LHX3: variants seen among roughly 807,000 people sequenced by gnomAD.
LHX3 encodes the protein LIM homeobox 3.
In LHX3, 21 loss-of-function variants were observed where a neutral mutation model predicts 32.4. That is an observed-to-expected ratio of 0.65 (90% CI 0.46 to 0.93). LHX3 has a LOEUF of 0.93. Ranked by LOEUF, LHX3 falls within the 40% of genes least tolerant of loss-of-function variation. The pLI, the probability that LHX3 is intolerant of heterozygous loss-of-function variation, is 0.00. For missense variants in LHX3, 626 were observed against 560.0 expected (o/e 1.12, Z -1.19); for synonymous variants, 258 against 246.8 (o/e 1.05, Z -0.43).
chr9:136,198,739 T>C lies in LHX3; in HGVS notation c.688A>G (p.Asn230Asp). 6.2e-7 allele frequency: 1 copy of C among 1,611,688 alleles called. No homozygotes were observed. The highest frequency in any genetic ancestry group is 1.1e-5 in the South Asian group (1 of 91,066). ...GRQRWGQYFR[N>D]MKRSRGGSKS... is the part of the protein sequence containing the mutation. ...GAGCCGCCGCGGGAGCGCTTCATGT[T>C]GCGGAAATACTGCCCCCAGCGCTGC... is the stretch of plus-strand genomic sequence containing the variant. Residue 230 changes from asparagine to aspartate, a missense_variant, in exon 5 of 6, where the codon AAC becomes GAC. Coordinates refer to ENST00000371748, the MANE Select transcript of LHX3 (RefSeq NM_178138.6).
At position 136,198,635 on chromosome 9, in the gene LHX3, G is replaced by A. The variant is rs748078393; in HGVS notation, c.775+17C>T. ...GCGCGCTCGTCCCCCCCCGAGCTCCGCGATCCCTCCGCCTACCGGGGAAGG... is the reference window on the plus strand; with the variant it reads ...GCGCGCTCGTCCCCCCCCGAGCTCCACGATCCCTCCGCCTACCGGGGAAGG... On this transcript the variant is annotated intron_variant, in intron 5 of 5. Transcript: ENST00000371748. 4 of 1,551,108 alleles carry A rather than the reference G, an allele frequency of 2.6e-6. No homozygotes were observed. The highest frequency in any genetic ancestry group is 3.5e-6 in the Non-Finnish European group (4 of 1,151,624).
chr9:136,202,916 C>T (rs1385782615), intron 1 of LHX3: 1 of 1,531,190 alleles, frequency 6.5e-7, no homozygotes, highest in East Asian at 2.4e-5. Context: ...CCTGGTCTCC[C>T]CGGTGCAGCC....
In LHX3 at chr9:136,197,254, C is replaced by T; in HGVS notation, c.*71G>A. On this transcript the variant is annotated 3_prime_UTR_variant, in exon 6 of 6. Coordinates refer to ENST00000371748, the MANE Select transcript of LHX3 (RefSeq NM_178138.6). ...GCCCTGGCCCCACTTCCTCGGAAACCCCAGCAGCCCCGAGCCGCCCACCCA... is the reference window on the plus strand; with the variant it reads ...GCCCTGGCCCCACTTCCTCGGAAACTCCAGCAGCCCCGAGCCGCCCACCCA... The T allele has an allele frequency of 6.5e-7, 1 of 1,545,714 alleles. No homozygotes were observed. Among genetic ancestry groups the T allele is most frequent in the East Asian group, 2.3e-5 (1 of 43,762 alleles).
chr9:136,198,933 G>A lies in LHX3; in HGVS notation c.581C>T (p.Thr194Met). Reference protein sequence around the residue: ...RHVREQLSSETGLDMRVVQVW... With the variant: ...RHVREQLSSEMGLDMRVVQVW... ...CTGCACCACGCGCATGTCCAGGCCCGTCTCGGACGAGAGCTGCTCGCGCAC... is the reference window on the plus strand; with the variant it reads ...CTGCACCACGCGCATGTCCAGGCCCATCTCGGACGAGAGCTGCTCGCGCAC... The change falls in exon 4 of 6, where the codon ACG becomes ATG. Residue 194 changes from threonine to methionine, a missense_variant. Physicochemically the swap from Thr to Met is moderately conservative, Grantham distance 81 (BLOSUM62 -1). Coordinates refer to ENST00000371748, the MANE Select transcript of LHX3 (RefSeq NM_178138.6). 3 of 1,588,622 alleles carry A rather than the reference G, an allele frequency of 1.9e-6. No homozygotes were observed. Among genetic ancestry groups the A allele is most frequent in the Non-Finnish European group, 2.6e-6 (3 of 1,171,862 alleles).
rs746686032 is a variant in LHX3, at chr9:136,200,586, A to G, written c.247T>C (p.Phe83Leu). 6.2e-7 allele frequency: 1 copy of G among 1,613,242 alleles called. No individual in the cohort carries two copies. Among genetic ancestry groups the G allele is most frequent in the East Asian group, 2.2e-5 (1 of 44,894 alleles). Reference sequence around the variant, plus strand: ...AGGTGAGGTTTCGGGGCTCACTTGAAAAAGTCGTCCTTGCAGTAAACGCTC... The same window carrying G: ...AGGTGAGGTTTCGGGGCTCACTTGAGAAAGTCGTCCTTGCAGTAAACGCTC... ...GESVYCKDDF[F>L]KRFGTKCAAC... The change falls in exon 2 of 6, where the codon TTC becomes CTC. Residue 83 changes from phenylalanine (F) to leucine (L), a missense_variant. Physicochemically the swap from Phe to Leu is conservative, Grantham distance 22. Transcript: ENST00000371748.
At chr9:136,203,286 C>T (rs1294682807) in intron 1 of LHX3, 5 of 348,890 alleles carry the variant, frequency 1.4e-5, no homozygotes, top group Non-Finnish European at 2.0e-5. Context: ...GGACTCTGAG[C>T]GCCTTTGCGC....
intron 2 of LHX3, 157 bp downstream of exon 2, chr9:136,200,424 TG>T: frequency 1.3e-6 from 1 of 795,992 alleles, no homozygotes; most frequent in Non-Finnish European, 2.1e-6. Flanking sequence ...ACCCTTAATT[TG>T]GCCAGGCCAC....
chr9:136,202,862 TC>T (rs1831678028), intron 1 of LHX3: 1 of 1,451,178 alleles, frequency 6.9e-7, no homozygotes, highest in African/African-American at 1.4e-5. Context: ...ATCCTCTAGC[TC>T]CTGCCAGCCT....
chr9:136,197,387 A>T lies in LHX3; in HGVS notation c.1132T>A (p.Tyr378Asn). ...SDLSTGSSGG[Y>N]PDFPASPASW... is the part of the protein sequence containing the mutation. Reference sequence around the variant, plus strand: ...GCGGGGCTGGCAGGGAAGTCGGGGTAACCCCCGCTGCTCCCCGTGGATAGG... The same window carrying T: ...GCGGGGCTGGCAGGGAAGTCGGGGTTACCCCCGCTGCTCCCCGTGGATAGG... Residue 378 changes from tyrosine to asparagine, a missense_variant, in exon 6 of 6, where the codon TAC becomes AAC. Tyr to Asn is a moderately radical substitution (Grantham distance 143, BLOSUM62 -2). Coordinates refer to ENST00000371748, the MANE Select transcript of LHX3 (RefSeq NM_178138.6). 6.2e-7 allele frequency: 1 copy of T among 1,611,410 alleles called. No homozygotes were observed. The highest frequency in any genetic ancestry group is 1.7e-5 in the Admixed American group (1 of 59,958).
At position 136,196,807 on chromosome 9, in the gene LHX3, C is replaced by G. The variant is rs545939943; in HGVS notation, c.*518G>C. Reference sequence around the variant, plus strand: ...TCTGGGGAGAGGAGGGGGCCTCTCCCGGAGGACACAGGTGTGTCCCCGCCT... The same window carrying G: ...TCTGGGGAGAGGAGGGGGCCTCTCCGGGAGGACACAGGTGTGTCCCCGCCT... On this transcript the variant is annotated 3_prime_UTR_variant, in exon 6 of 6. Coordinates refer to ENST00000371748, the MANE Select transcript of LHX3 (RefSeq NM_178138.6). 1 of 157,738 alleles carries G rather than the reference C, an allele frequency of 6.3e-6. No homozygotes were observed. The highest frequency in any genetic ancestry group is 1.8e-4 in the East Asian group (1 of 5,500). 9.8% of individuals were successfully genotyped at this position (157,738 alleles called of 1,614,324 possible).
At position 136,198,871 on chromosome 9, in the gene LHX3, G is replaced by A. The variant is rs560920164; in HGVS notation, c.606+37C>T. ...CGCCCGGCTCTGCGGGGGCCCCCAA[G>A]GCCGCGGGCGGGAGGGAAGCAGGGG... On this transcript the variant is annotated intron_variant, in intron 4 of 5. Coordinates refer to ENST00000371748, the MANE Select transcript of LHX3 (RefSeq NM_178138.6). The A allele has an allele frequency of 5.7e-6, 9 of 1,592,450 alleles. No homozygotes were observed. The Admixed American group carries it at 6.8e-5, about 12-fold the overall frequency.
At chr9:136,198,874 C>T (rs756034984) in intron 4 of LHX3, 34 bp downstream of exon 4, 4 of 1,591,896 alleles carry the variant, frequency 2.5e-6, no homozygotes, top group Non-Finnish European at 3.4e-6. Flanking sequence ...CCCCCAAGGC[C>T]GCGGGCGGGA....
At chr9:136,201,619 A>G in intron 1 of LHX3, 2 of 1,002,616 alleles carry the variant, frequency 2.0e-6, no homozygotes, top group Middle Eastern at 1.0e-3. Flanking sequence ...ATTTACTGAC[A>G]TATTGCACCC....
chr9:136,202,863 C>T (rs1668200408), intron 1 of LHX3: 1 of 1,457,058 alleles, frequency 6.9e-7, no homozygotes, highest in Non-Finnish European at 9.3e-7. Flanking sequence ...TCCTCTAGCT[C>T]CTGCCAGCCT....
chr9:136,197,332 T>G lies in LHX3; in HGVS notation c.1187A>C (p.Gln396Pro), dbSNP rs1409673227. 24 of 1,611,898 alleles carry G rather than the reference T, an allele frequency of 1.5e-5. No individual in the cohort carries two copies. Among genetic ancestry groups the G allele is most frequent in the Non-Finnish European group, 2.0e-5 (24 of 1,179,900 alleles). The change falls in exon 6 of 6, where the codon CAG (glutamine) becomes CCG (proline). Residue 396 changes from glutamine (Q) to proline (P), a missense_variant. Gln to Pro is a moderately conservative substitution (Grantham distance 76). Coordinates refer to ENST00000371748, the MANE Select transcript of LHX3 (RefSeq NM_178138.6). The stretch of plus-strand genomic sequence containing the variant: ...GGTGGAGCCGGGCCTGGGTCAGAAC[T>G]GAGCGTGGTCTACCTCATCCAGCCA... The part of the protein sequence containing the change: ...ASWLDEVDHA[Q>P]F
At chr9:136,198,598 G>T in intron 5 of LHX3, 54 bp downstream of exon 5, 3 of 1,538,760 alleles carry the variant, frequency 1.9e-6, no homozygotes, top group Non-Finnish European at 2.6e-6. Flanking sequence ...GGACCCCTGC[G>T]ACCCCGCCGA....
In LHX3 at chr9:136,199,952, G is replaced by A. The variant is rs1360075443; in HGVS notation, c.252-72C>T. On this transcript the variant is annotated intron_variant, in intron 2 of 5. Transcript: ENST00000371748. ...TTTCGCCCCGAGCGGGTTGGAGAGAGGCAAGCGGCTGCCTGGGAAGGCGGC... is the reference window on the plus strand; with the variant it reads ...TTTCGCCCCGAGCGGGTTGGAGAGAAGCAAGCGGCTGCCTGGGAAGGCGGC... The A allele has an allele frequency of 4.1e-6, 6 of 1,456,934 alleles. No homozygotes were observed. In the East Asian group the frequency reaches 1.2e-4, roughly 30 times the overall value. The allele number at this position is 1,456,934 out of a possible 1,614,324, so 90.3% of individuals were successfully genotyped here.
Position 136,199,023 on chromosome 9 carries a change from A to C in LHX3, c.491T>G (p.Ile164Ser), listed in dbSNP as rs1831567999. Residue 164 changes from isoleucine to serine, a missense_variant, in exon 4 of 6, where the codon ATC (isoleucine) becomes AGC (serine). Coordinates refer to ENST00000371748, the MANE Select transcript of LHX3 (RefSeq NM_178138.6). ...EATAKRPRTT[I>S]TAKQLETLKS... ...CAGCGTCTCCAGCTGCTTGGCGGTG[A>C]TGGTCGTGCGCGGCCGCTTGGCCGT... 6.3e-7 allele frequency: 1 copy of C among 1,585,174 alleles called. No homozygotes were observed. The highest frequency in any genetic ancestry group is 1.7e-5 in the Admixed American group (1 of 58,228).
chr9:136,203,502 G>C (rs1831695775), intron 1 of LHX3, among the ~76,000 whole-genome samples: 1 of 152,144 alleles, frequency 6.6e-6, no homozygotes, highest in African/African-American at 2.4e-5. Context: ...AAGGCAGCAG[G>C]GTCCTCCCGC....
Sources: gnomAD v4.1 joint callset for allele counts (sites outside exome capture counted in the v4.1 genomes callset) on GRCh38, gnomAD v4.1.1 for gene constraint, MANE v1.5 for transcripts, NCBI Gene and HGNC (gene_info 2026-07-23, HGNC 2026-07-21) for gene names.